The following WDTC1 variants were observed in gnomAD, a reference collection of about 807,000 sequenced individuals.
The protein encoded by WDTC1 is WD and tetratricopeptide repeats 1, also known as WD and tetratricopeptide repeats protein 1.
WDTC1 carries 12 observed loss-of-function variants against 76.0 expected under a neutral mutation model. The ratio of observed to expected loss-of-function variants is 0.16; its 90% CI spans 0.10 to 0.26. The LOEUF (loss-of-function observed/expected upper bound fraction) is 0.26, where lower values mean the gene tolerates loss of function less well. Among genes scored for constraint, WDTC1 ranks in the 10% least tolerant of loss-of-function variants. WDTC1 has a pLI of 1.00. For missense variants in WDTC1, 511 were observed against 908.8 expected, an observed-to-expected ratio of 0.56 and a Z score of 5.63; for synonymous variants, 326 against 350.8, an observed-to-expected ratio of 0.93 and a Z score of 0.79.
chr1:27,258,395 G>C (rs975378295), intron 1 of WDTC1, among the ~76,000 whole-genome samples: 6 of 151,832 alleles, frequency 4.0e-5, no homozygotes, highest in African/African-American at 1.5e-4. Context: ...TAGCTGGCGT[G>C]GTGGCAGGTG....
chr1:27,282,298 T>C lies in WDTC1; in HGVS notation c.179+13T>C. The C allele has an allele frequency of 6.2e-7, 1 of 1,613,420 alleles. No homozygotes were observed. Among genetic ancestry groups the C allele is most frequent in the South Asian group, 1.1e-5 (1 of 91,050 alleles). ...ATGAGAAAGGAGAGTAAGTATGAGC[T>C]AGAGCACCTGAAGGGTGCTGGGGAA... On this transcript the variant is annotated intron_variant, in intron 4 of 15. Transcript: ENST00000319394.
chr1:27,288,234 G>C (rs1312734438), intron 6 of WDTC1, among the ~76,000 whole-genome samples: 1 of 152,154 alleles, frequency 6.6e-6, no homozygotes, highest in Admixed American at 6.6e-5. Flanking sequence ...CTCTTCAGAA[G>C]CACCTTCTCT....
At chr1:27,269,202 G>A (rs1257361632) in intron 3 of WDTC1, among the ~76,000 whole-genome samples, 1 of 141,872 alleles carries the variant, frequency 7.0e-6, no homozygotes, top group African/African-American at 2.6e-5. Flanking sequence ...TCAGCTAGGT[G>A]TGGAGGCACA....
At chr1:27,235,373 T>A (rs2011472663) in intron 1 of WDTC1, among the ~76,000 whole-genome samples, 2 of 149,170 alleles carry the variant, frequency 1.3e-5, no homozygotes, top group Admixed American at 6.8e-5. Context: ...TCTCTCTCTT[T>A]CTGTTTTTCT....
At chr1:27,279,909 T>C (rs183933920) in intron 3 of WDTC1, among the ~76,000 whole-genome samples, 1 of 152,306 alleles carries the variant, frequency 6.6e-6, no homozygotes, top group Admixed American at 6.5e-5. Context: ...GGAAAAGACA[T>C]ATTTGGATTT....
chr1:27,282,862 G>A (rs1276837992), intron 4 of WDTC1, among the ~76,000 whole-genome samples: 6 of 151,750 alleles, frequency 4.0e-5, no homozygotes, highest in Admixed American at 1.3e-4. Flanking sequence ...TTTCTTGGCC[G>A]GGCGTAGTGG....
At chr1:27,241,744 G>A (rs1424070011) in intron 1 of WDTC1, among the ~76,000 whole-genome samples, 2 of 152,082 alleles carry the variant, frequency 1.3e-5, no homozygotes, top group Non-Finnish European at 2.9e-5. Context: ...CCTTTTCTCT[G>A]TTTCCTTCCA....
chr1:27,237,577 C>T (rs985233914), intron 1 of WDTC1, among the ~76,000 whole-genome samples: 9 of 152,042 alleles, frequency 5.9e-5, no homozygotes, highest in Admixed American at 2.0e-4. Context: ...TGGCTGAGCG[C>T]GGTGGCTCAC....
At position 27,261,070 on chromosome 1, in the gene WDTC1, A is replaced by G. The variant is rs139711919; in HGVS notation, c.16A>G (p.Ile6Val). The G allele has an allele frequency of 4.8e-5, 77 of 1,614,210 alleles. No individual in the cohort carries two copies. The highest frequency in any genetic ancestry group is 1.6e-4 in the Middle Eastern group (1 of 6,062). Reference sequence around the variant, plus strand: ...TTAAGAAAAGATGGCGAAAGTCAACATAACTAGAGACCTCATCCGTAGGCA... The same window carrying G: ...TTAAGAAAAGATGGCGAAAGTCAACGTAACTAGAGACCTCATCCGTAGGCA... The part of the protein sequence containing the change: MAKVN[I>V]TRDLIRRQIK... Residue 6 changes from isoleucine to valine, a missense_variant, in exon 2 of 16, where the codon ATA (isoleucine) becomes GTA (valine). By Grantham distance (29) the Ile-to-Val change is conservative (BLOSUM62 3). Transcript: ENST00000319394.
At position 27,292,383 on chromosome 1, in the gene WDTC1, G is replaced by A. The variant is rs2013557804; in HGVS notation, c.648G>A (p.Met216Ile). Residue 216 changes from methionine (M) to isoleucine (I), a missense_variant, in exon 7 of 16, where the codon ATG becomes ATA. By Grantham distance (10) the Met-to-Ile change is conservative. Coordinates refer to ENST00000319394, the MANE Select transcript of WDTC1 (RefSeq NM_001276252.2). ...TCGTGAGGCTCTATGACATCCGCATGATCCATAACCACAGGTATGAATAGT... is the reference window on the plus strand; with the variant it reads ...TCGTGAGGCTCTATGACATCCGCATAATCCATAACCACAGGTATGAATAGT... ...GPFVRLYDIRMIHNHRKSMKQ... is the reference protein window; with the variant it reads ...GPFVRLYDIRIIHNHRKSMKQ... The A allele has an allele frequency of 6.2e-7, 1 of 1,602,962 alleles. No homozygotes were observed.
At chr1:27,277,084 G>A (rs939357009) in intron 3 of WDTC1, among the ~76,000 whole-genome samples, 1 of 150,770 alleles carries the variant, frequency 6.6e-6, no homozygotes, top group Admixed American at 6.6e-5. Flanking sequence ...CCTCACTGGA[G>A]TGCAGTGGCA....
At chr1:27,288,892 A>AG (rs2013426437) in intron 6 of WDTC1, among the ~76,000 whole-genome samples, 1 of 150,852 alleles carries the variant, frequency 6.6e-6, no homozygotes, top group Non-Finnish European at 1.5e-5. Flanking sequence ...GGTGGTGGCC[A>AG]GGCAGAGGGG....
intron 1 of WDTC1, among the ~76,000 whole-genome samples, chr1:27,235,950 G>GA (rs1557470855): frequency 6.6e-6 from 1 of 152,146 alleles, no homozygotes; most frequent in Non-Finnish European, 1.5e-5. Context: ...AAGTGGCAGT[G>GA]AAGTCTTCCC....
chr1:27,289,410 T>A (rs1470924324), intron 6 of WDTC1, among the ~76,000 whole-genome samples: 3 of 145,910 alleles, frequency 2.1e-5, no homozygotes, highest in African/African-American at 5.2e-5. Flanking sequence ...GAGGCGCTCC[T>A]CACATCTCAG....
Position 27,301,350 on chromosome 1 carries a change from C to T in WDTC1, c.1357C>T (p.Leu453=). The change falls in exon 13 of 16, where the codon CTG becomes TTG. Residue 453 remains leucine, a synonymous_variant. Coordinates refer to ENST00000319394, the MANE Select transcript of WDTC1 (RefSeq NM_001276252.2). This position sits in a 1 kb window ranked among gnomAD's most constrained non-coding sequence, Gnocchi z 5.8. The stretch of plus-strand genomic sequence containing the variant: ...TGAGCTCAAGTATGTGGCTGAAGCC[C>T]TGGAGTGCCTGGACGACTTCAAAGG... ...LFELKYVAEA[L]ECLDDFKGKF... is the part of the protein sequence containing the mutation. 1 of 1,614,200 alleles carries T rather than the reference C, an allele frequency of 6.2e-7. No homozygotes were observed. Among genetic ancestry groups the T allele is most frequent in the Non-Finnish European group, 8.5e-7 (1 of 1,180,038 alleles).
intron 1 of WDTC1, among the ~76,000 whole-genome samples, chr1:27,241,460 C>T (rs1241132570): frequency 6.6e-6 from 1 of 152,122 alleles, no homozygotes; most frequent in African/African-American, 2.4e-5. Flanking sequence ...ATAGTTGAGG[C>T]CTGAGTGTTT....
In WDTC1 at chr1:27,261,173, A is replaced by G. The variant is rs532533495; in HGVS notation, c.48+71A>G. 1.2e-5 allele frequency: 19 copies of G among 1,589,952 alleles called. No homozygotes were observed. The East Asian group carries it at 4.3e-4, about 36-fold the overall frequency. On this transcript the variant is annotated intron_variant, in intron 2 of 15. Transcript: ENST00000319394. ...CCCACAGATTGATTTTACAGATGAA[A>G]AAACTGAAATCTATAGTCTGTGACT...
intron 11 of WDTC1, among the ~76,000 whole-genome samples, chr1:27,297,720 AGTATTTGGAATG>A (rs1179826119): frequency 6.6e-6 from 1 of 152,090 alleles, no homozygotes; most frequent in Non-Finnish European, 1.5e-5. Flanking sequence ...ACTGGCTGAG[AGTATTTGGAATG>A]GTATTTGGAA....
intron 1 of WDTC1, among the ~76,000 whole-genome samples, chr1:27,257,230 C>T (rs888985097): frequency 4.6e-5 from 7 of 152,104 alleles, no homozygotes; most frequent in African/African-American, 1.7e-4. Flanking sequence ...TACATTGTTT[C>T]ATTTGAGCTC....
Sources: allele counts gnomAD v4.1 joint callset (sites outside exome capture counted in the v4.1 genomes callset), GRCh38; gene constraint gnomAD v4.1.1; non-coding constraint Gnocchi (gnomAD v3.1); transcripts MANE v1.5; gene names NCBI Gene and HGNC (gene_info 2026-07-23, HGNC 2026-07-21).